The following PKD1L1 variants were observed in gnomAD, a reference collection of about 807,000 sequenced individuals.
PKD1L1 encodes polycystin-1-like protein 1.
In PKD1L1, 236 loss-of-function variants were observed where a neutral mutation model predicts 323.4. The ratio of observed to expected loss-of-function variants is 0.73; its 90% CI spans 0.66 to 0.81. The LOEUF (loss-of-function observed/expected upper bound fraction) is 0.81, where lower values mean the gene tolerates loss of function less well. Among genes scored for constraint, PKD1L1 ranks in the 40% least tolerant of loss-of-function variants. The probability of loss-of-function intolerance (pLI) is 0.00; values close to 1 mark genes in which losing one functional copy is unlikely to be tolerated. For missense variants in PKD1L1, 3,320 were observed against 3,508.0 expected (o/e 0.95, Z 1.35); for synonymous variants, 1,344 against 1,335.0 (o/e 1.01, Z -0.15).
intron 13 of PKD1L1, among the ~76,000 whole-genome samples, chr7:47,900,644 C>A (rs10215183): frequency 0.045 from 6,815 of 152,192 alleles, 506 homozygotes; most frequent in African/African-American, 0.15. Context: ...AGAAGAATAG[C>A]TTGAACCCAG....
intron 56 of PKD1L1, among the ~76,000 whole-genome samples, chr7:47,790,399 C>G (rs371306329): frequency 6.6e-6 from 1 of 151,492 alleles, no homozygotes; most frequent in Non-Finnish European, 1.5e-5. Flanking sequence ...GGCACAATCT[C>G]GGCTCACTGC....
In PKD1L1 at chr7:47,905,430, T is replaced by C. The variant is rs1025491278; in HGVS notation, c.1523-105A>G. 73 of 1,273,746 alleles carry C rather than the reference T, an allele frequency of 5.7e-5. No individual in the cohort carries two copies. The East Asian group carries it at 1.7e-3, about 29-fold the overall frequency. The allele number at this position is 1,273,746 out of a possible 1,614,324, so 78.9% of individuals were successfully genotyped here. A position where few individuals can be genotyped will look rare whatever the true frequency, so the allele number is the denominator to read the frequency against. On this transcript the variant is annotated intron_variant, in intron 10 of 56. Transcript: ENST00000289672. ...CCCACTTGGTCATGGGCTTGAGTGATGGTGAGGAAGCTCTGATATGCATGC... is the reference window on the plus strand; with the variant it reads ...CCCACTTGGTCATGGGCTTGAGTGACGGTGAGGAAGCTCTGATATGCATGC...
At chr7:47,896,685 A>G (rs1474151295) in intron 14 of PKD1L1, among the ~76,000 whole-genome samples, 2 of 152,102 alleles carry the variant, frequency 1.3e-5, no homozygotes, top group Admixed American at 6.5e-5. Context: ...TGCTGTTTTC[A>G]TTAGGAAAAT....
chr7:47,809,516 T>C lies in PKD1L1; in HGVS notation c.7643A>G (p.Lys2548Arg). The change falls in exon 51 of 57, where the codon AAG (lysine) becomes AGG (arginine). Residue 2548 changes from lysine (K) to arginine (R), a missense_variant. Lys to Arg is a conservative substitution (Grantham distance 26). Transcript: ENST00000289672. ...CTTTCGCCAGTAGCTGAGGACGCCC[T>C]TGTCCATCATACGGTAGAGTTGAAC... is the stretch of plus-strand genomic sequence containing the variant. ...LCVQLYRMMD[K>R]GVLSYWRKPR... 6.2e-7 allele frequency: 1 copy of C among 1,609,864 alleles called. No homozygotes were observed. Among genetic ancestry groups the C allele is most frequent in the South Asian group, 1.1e-5 (1 of 89,696 alleles).
chr7:47,888,127 C>T lies in PKD1L1; in HGVS notation c.2699G>A (p.Ser900Asn). The T allele has an allele frequency of 6.2e-7, 1 of 1,613,882 alleles. No individual in the cohort carries two copies. Among genetic ancestry groups the T allele is most frequent in the East Asian group, 2.2e-5 (1 of 44,868 alleles). Residue 900 changes from serine to asparagine, a missense_variant, in exon 17 of 57, where the codon AGC (serine) becomes AAC (asparagine). By Grantham distance (46) the Ser-to-Asn change is conservative. Coordinates refer to ENST00000289672, the MANE Select transcript of PKD1L1 (RefSeq NM_138295.5). ...AFRFVHISWV[S>N]FKDTFVNWND... The stretch of plus-strand genomic sequence containing the variant: ...CCAGTTGACGAAGGTGTCTTTAAAG[C>T]TGACCCAGGAGATGTGGACGAATCT...
chr7:47,833,608 G>C (rs892568781), intron 40 of PKD1L1, among the ~76,000 whole-genome samples: 8 of 152,174 alleles, frequency 5.3e-5, no homozygotes, highest in Admixed American at 2.6e-4. Context: ...AGGGCGCAGA[G>C]CTCCGGCATG....
At chr7:47,873,785 A>T in intron 24 of PKD1L1, 114 bp downstream of exon 24, 1 of 709,892 alleles carries the variant, frequency 1.4e-6, no homozygotes, top group Non-Finnish European at 2.3e-6. Context: ...GCTCCATCTT[A>T]AGAAGATGAG....
intron 45 of PKD1L1, among the ~76,000 whole-genome samples, chr7:47,824,817 C>G (rs1280148755): frequency 6.6e-6 from 1 of 152,172 alleles, no homozygotes; most frequent in East Asian, 1.9e-4. Flanking sequence ...TAGCTGGACA[C>G]TACTACACTG....
intron 3 of PKD1L1, among the ~76,000 whole-genome samples, chr7:47,937,661 G>A (rs2128757471): frequency 6.6e-6 from 1 of 152,274 alleles, no homozygotes; most frequent in South Asian, 2.1e-4. Flanking sequence ...TCTTGATTGT[G>A]GAGTGAAGGC....
chr7:47,956,011 C>T, the PKD1L1 span, among the ~76,000 whole-genome samples: 4 of 152,202 alleles, frequency 2.6e-5, no homozygotes, highest in Non-Finnish European at 5.9e-5. Flanking sequence ...AGAGTGACAT[C>T]AGCCAAACGG....
At chr7:47,907,811 G>A (rs983383332) in intron 9 of PKD1L1, among the ~76,000 whole-genome samples, 4 of 151,990 alleles carry the variant, frequency 2.6e-5, no homozygotes, top group South Asian at 2.1e-4. Context: ...TTTTAATGTC[G>A]TGTCTCATCT....
intron 53 of PKD1L1, among the ~76,000 whole-genome samples, chr7:47,801,775 T>C (rs1279732017): frequency 6.6e-6 from 1 of 152,228 alleles, no homozygotes; most frequent in Admixed American, 6.5e-5. Context: ...CTGGACAAAT[T>C]GAGCTGTGTG....
intron 54 of PKD1L1, among the ~76,000 whole-genome samples, chr7:47,798,284 G>A (rs1770161729): frequency 6.6e-6 from 1 of 152,280 alleles, no homozygotes; most frequent in East Asian, 1.9e-4. Flanking sequence ...ACAGTCAATT[G>A]CTTTTTGACA....
the PKD1L1 span, among the ~76,000 whole-genome samples, chr7:47,955,452 AC>A: frequency 1.1e-4 from 16 of 152,220 alleles, no homozygotes; most frequent in African/African-American, 1.7e-4. Context: ...AATAAAAAAA[AC>A]ACTCATAAAT....
chr7:47,953,881 ACT>A, the PKD1L1 span, among the ~76,000 whole-genome samples: 2 of 152,006 alleles, frequency 1.3e-5, no homozygotes, highest in Admixed American at 6.6e-5. Context: ...GATGCCCTCC[ACT>A]CTGTTCTGGT....
intron 56 of PKD1L1, among the ~76,000 whole-genome samples, chr7:47,789,838 T>C (rs1786898199): frequency 6.6e-6 from 1 of 152,218 alleles, no homozygotes; most frequent in African/African-American, 2.4e-5. Flanking sequence ...GTTACAAATA[T>C]AGTAAATACT....
At chr7:47,788,010 C>T (rs1786850876) in intron 56 of PKD1L1, among the ~76,000 whole-genome samples, 1 of 152,186 alleles carries the variant, frequency 6.6e-6, no homozygotes, top group African/African-American at 2.4e-5. Context: ...TGTGTCCGGC[C>T]TGTTGTAGGA....
intron 33 of PKD1L1, 114 bp from the exon 34 acceptor site, chr7:47,843,283 G>A (rs1046103158): frequency 2.5e-6 from 2 of 795,758 alleles, no homozygotes; most frequent in East Asian, 2.7e-5. Flanking sequence ...GGGCTTCACT[G>A]ATACATTTTT....
In PKD1L1 at chr7:47,908,139, T is replaced by A. The variant is rs532087177; in HGVS notation, c.1340A>T (p.Asn447Ile). The change falls in exon 9 of 57, where the codon AAC (asparagine) becomes ATC (isoleucine). Residue 447 changes from asparagine (N) to isoleucine (I), a missense_variant. Coordinates refer to ENST00000289672, the MANE Select transcript of PKD1L1 (RefSeq NM_138295.5). ...IGHEAVSAFM[N>I]SSSVHEDEVL... ...TTCATCTTCATGGACACTGCTGGAG[T>A]TCATGAACGCAGACACGGCCTCATG... 3 of 1,613,968 alleles carry A rather than the reference T, an allele frequency of 1.9e-6. 1 individual carries two copies. The South Asian group carries it at 3.3e-5, about 18-fold the overall frequency.
Sources: allele counts gnomAD v4.1 joint callset (sites outside exome capture counted in the v4.1 genomes callset), GRCh38; gene constraint gnomAD v4.1.1; transcripts MANE v1.5; gene names NCBI Gene and HGNC (gene_info 2026-07-23, HGNC 2026-07-21).